The following CADPS variants were observed in gnomAD, a reference collection of about 807,000 sequenced individuals.
The protein encoded by CADPS is calcium-dependent secretion activator 1.
In CADPS, 57 loss-of-function variants were observed where a neutral mutation model predicts 167.3. That is an observed-to-expected ratio of 0.34 (90% CI 0.28 to 0.42). The LOEUF is 0.42. CADPS is among the 20% of genes least tolerant of loss of function. CADPS has a pLI of 1.00. For synonymous variants in CADPS, 676 were observed against 635.3 expected (o/e 1.06, Z -0.96); for missense variants, 1,414 against 1,738.1 (o/e 0.81, Z 3.32).
chr3:62,417,276 CT>C (rs11353455), intron 28 of CADPS, among the ~76,000 whole-genome samples: 20,220 of 63,716 alleles, frequency 0.32, 7,178 homozygotes, highest in Admixed American at 0.42. Context: ...TTCTTTTACT[CT>C]TTTTTTTTTT....
At chr3:62,580,443 G>A (rs833646) in intron 8 of CADPS, among the ~76,000 whole-genome samples, 14 of 151,758 alleles carry the variant, frequency 9.2e-5, no homozygotes, top group South Asian at 4.2e-4. Flanking sequence ...TTGTGGGGTC[G>A]GGGGAGTGGG....
intron 9 of CADPS, among the ~76,000 whole-genome samples, chr3:62,559,476 T>C (rs971163568): frequency 1.3e-5 from 2 of 152,060 alleles, no homozygotes; most frequent in Non-Finnish European, 2.9e-5. Flanking sequence ...TCATAGATAC[T>C]GCTGGAACGG....
At chr3:62,678,553 C>A (rs946615784) in intron 3 of CADPS, among the ~76,000 whole-genome samples, 1 of 151,986 alleles carries the variant, frequency 6.6e-6, no homozygotes, top group Middle Eastern at 3.2e-3. Flanking sequence ...GAAGAAACTG[C>A]AATGAATTCA....
intron 3 of CADPS, among the ~76,000 whole-genome samples, chr3:62,742,583 T>C (rs541276189): frequency 9.9e-5 from 15 of 152,044 alleles, no homozygotes; most frequent in Non-Finnish European, 1.5e-4. Flanking sequence ...ATGCAGAAGA[T>C]TGAAACTGGA....
At chr3:62,710,777 A>G (rs1186329929) in intron 3 of CADPS, among the ~76,000 whole-genome samples, 1 of 152,220 alleles carries the variant, frequency 6.6e-6, no homozygotes, top group African/African-American at 2.4e-5. Flanking sequence ...ATGAGGTGAT[A>G]AAGAATAGGA....
At chr3:62,615,749 A>C (rs112647417) in intron 6 of CADPS, among the ~76,000 whole-genome samples, 5 of 152,178 alleles carry the variant, frequency 3.3e-5, no homozygotes, top group African/African-American at 7.2e-5. Context: ...GAATGAGAGA[A>C]GAGAATGAGA....
At chr3:62,624,740 T>C (rs2149539787) in intron 6 of CADPS, among the ~76,000 whole-genome samples, 1 of 152,268 alleles carries the variant, frequency 6.6e-6, no homozygotes, top group East Asian at 1.9e-4. Context: ...TCTCTATTTG[T>C]AAAGTGGGAA....
chr3:62,671,900 C>A (rs965844078), intron 3 of CADPS, among the ~76,000 whole-genome samples: 1 of 152,094 alleles, frequency 6.6e-6, no homozygotes, highest in Non-Finnish European at 1.5e-5. Context: ...GAAGCTGGGA[C>A]TACAGGTGCA....
intron 28 of CADPS, among the ~76,000 whole-genome samples, chr3:62,426,759 A>G (rs1441578906): frequency 6.6e-6 from 1 of 152,056 alleles, no homozygotes; most frequent in Non-Finnish European, 1.5e-5. Context: ...ATATAAAGAA[A>G]CAAGTCCCTT....
intron 1 of CADPS, among the ~76,000 whole-genome samples, chr3:62,837,912 T>C (rs942701071): frequency 6.6e-6 from 1 of 152,192 alleles, no homozygotes; most frequent in African/African-American, 2.4e-5. Context: ...ATATAGAATT[T>C]CCTTCTCTAA....
intron 1 of CADPS, among the ~76,000 whole-genome samples, chr3:62,839,529 A>T (rs974965733): frequency 6.6e-6 from 1 of 152,158 alleles, no homozygotes; most frequent in Non-Finnish European, 1.5e-5. Context: ...AGAATATGGG[A>T]TCAGGAGTGG....
intron 6 of CADPS, among the ~76,000 whole-genome samples, chr3:62,645,478 A>G (rs544746872): frequency 1.3e-5 from 2 of 152,378 alleles, no homozygotes; most frequent in East Asian, 3.9e-4. Context: ...GAGGGTGAAT[A>G]CTTAAAACCA....
intron 11 of CADPS, among the ~76,000 whole-genome samples, chr3:62,539,689 A>T (rs1484178572): frequency 6.6e-6 from 1 of 152,164 alleles, no homozygotes; most frequent in African/African-American, 2.4e-5. Flanking sequence ...CTAAGCACAT[A>T]TTAGTTAAAA....
rs569815157 is a variant in CADPS at position 62,741,014 on chromosome 3, G to C, written c.888+12427C>G. ...TATACTTATTGAAGGCACTTCTTCA[G>C]ATTGTTCCCTGGCACAATTTGATGA... On this transcript the variant is annotated intron_variant, in intron 3 of 29. Transcript: ENST00000383710. 3.3e-5 allele frequency among the ~76,000 whole-genome samples: 5 copies of C among 152,236 alleles called. No individual in the cohort carries two copies. The South Asian group carries it at 1.0e-3, about 32-fold the overall frequency.
chr3:62,513,556 G>T, intron 16 of CADPS: 1 of 909,840 alleles, frequency 1.1e-6, no homozygotes, highest in Non-Finnish European at 1.7e-6. Context: ...AGGAGAGTGA[G>T]TTGGTTTGGA....
At chr3:62,811,019 C>A (rs1346785557) in intron 1 of CADPS, among the ~76,000 whole-genome samples, 2 of 152,202 alleles carry the variant, frequency 1.3e-5, no homozygotes, top group Non-Finnish European at 2.9e-5. Context: ...GTTTATGGAA[C>A]CAGACTCTGT....
chr3:62,708,154 G>A (rs1019862385), intron 3 of CADPS, among the ~76,000 whole-genome samples: 2 of 151,892 alleles, frequency 1.3e-5, no homozygotes, highest in African/African-American at 4.8e-5. Context: ...GAACTCCTGA[G>A]CTCAAGTGAT....
At chr3:62,545,720 T>G (rs1473426319) in intron 11 of CADPS, among the ~76,000 whole-genome samples, 1 of 152,146 alleles carries the variant, frequency 6.6e-6, no homozygotes, top group Non-Finnish European at 1.5e-5. Flanking sequence ...AAATAAAAAC[T>G]GTTAAACTGA....
intron 24 of CADPS, chr3:62,470,672 T>G (rs1377457640): frequency 1.3e-5 from 2 of 152,288 alleles, no homozygotes; most frequent in Admixed American, 1.3e-4. Flanking sequence ...TTCCCACAGC[T>G]GGTCATTTAA....
Sources: allele counts gnomAD v4.1 joint callset (sites outside exome capture counted in the v4.1 genomes callset), GRCh38; gene constraint gnomAD v4.1.1; transcripts MANE v1.5; gene names NCBI Gene and HGNC (gene_info 2026-07-23, HGNC 2026-07-21).